The following SLC22A23 variants were observed in gnomAD, a reference collection of about 807,000 sequenced individuals.
The protein encoded by SLC22A23 is solute carrier family 22 member 23, also known as ion transporter protein.
In SLC22A23, 26 loss-of-function variants were observed where a neutral mutation model predicts 61.0. The observed-to-expected ratio is 0.43, with a 90% CI of 0.31 to 0.59. The LOEUF is 0.59. SLC22A23 is among the 20% of genes least tolerant of loss of function. The pLI, the probability that SLC22A23 is intolerant of heterozygous loss-of-function variation, is 0.11. For missense variants in SLC22A23, 796 were observed against 934.7 expected, an observed-to-expected ratio of 0.85 and a Z score of 1.94; for synonymous variants, 430 against 413.9, an observed-to-expected ratio of 1.04 and a Z score of -0.47.
At chr6:3,412,378 C>T (rs376475353) in intron 2 of SLC22A23, among the ~76,000 whole-genome samples, 4 of 152,162 alleles carry the variant, frequency 2.6e-5, no homozygotes, top group Admixed American at 6.5e-5. Flanking sequence ...CTTGTTCAAA[C>T]GAGCCTGGAG....
chr6:3,313,351 C>T (rs1410759009), intron 4 of SLC22A23: 4 of 152,142 alleles, frequency 2.6e-5, no homozygotes, highest in African/African-American at 9.7e-5. Context: ...AAAGATTTGA[C>T]CAAGAAATTT....
intron 3 of SLC22A23, among the ~76,000 whole-genome samples, chr6:3,377,438 C>G (rs1312328527): frequency 2.6e-5 from 4 of 152,196 alleles, no homozygotes; most frequent in African/African-American, 7.2e-5. Context: ...ACTGCCAGAC[C>G]TCTGCCAGGC....
At chr6:3,436,984 C>T (rs77994392) in intron 1 of SLC22A23, among the ~76,000 whole-genome samples, 3,433 of 152,284 alleles carry the variant, frequency 0.023, 128 homozygotes, top group African/African-American at 0.077. Context: ...TAAGATGATC[C>T]ATACATCCTC....
At chr6:3,296,555 TGTGA>T (rs1373090816) in intron 5 of SLC22A23, among the ~76,000 whole-genome samples, 1 of 152,154 alleles carries the variant, frequency 6.6e-6, no homozygotes, top group Admixed American at 6.5e-5. Flanking sequence ...GGAGCTGAAA[TGTGA>T]GTGCCATGTG....
At chr6:3,316,871 C>T (rs1172536718) in intron 4 of SLC22A23, among the ~76,000 whole-genome samples, 2 of 152,142 alleles carry the variant, frequency 1.3e-5, no homozygotes, top group African/African-American at 4.8e-5. Context: ...CTGCTGTGCT[C>T]ACGTGATCTT....
At chr6:3,289,436 C>T (rs1432488807) in intron 6 of SLC22A23, among the ~76,000 whole-genome samples, 3 of 152,262 alleles carry the variant, frequency 2.0e-5, no homozygotes, top group African/African-American at 7.2e-5. Context: ...TGTCCTGAGA[C>T]AGGGCCCAGA....
intron 3 of SLC22A23, among the ~76,000 whole-genome samples, chr6:3,368,655 T>C (rs1215207000): frequency 2.0e-5 from 3 of 152,088 alleles, no homozygotes; most frequent in Non-Finnish European, 2.9e-5. Flanking sequence ...AATCCTCCAA[T>C]GCAATAAGTT....
chr6:3,397,643 A>T (rs1431243196), intron 3 of SLC22A23, among the ~76,000 whole-genome samples: 1 of 152,238 alleles, frequency 6.6e-6, no homozygotes, highest in East Asian at 1.9e-4. Flanking sequence ...CTGAATAAAT[A>T]GCTTATTATC....
At chr6:3,366,338 A>C (rs1279639122) in intron 3 of SLC22A23, among the ~76,000 whole-genome samples, 1 of 110,974 alleles carries the variant, frequency 9.0e-6, no homozygotes, top group African/African-American at 3.0e-5. Flanking sequence ...GTCTCAAAAA[A>C]AAAAAAAAAA....
At chr6:3,298,978 C>CAAAAAAAAAAA (rs56373817) in intron 4 of SLC22A23, among the ~76,000 whole-genome samples, 5 of 104,124 alleles carry the variant, frequency 4.8e-5, no homozygotes, top group African/African-American at 2.2e-4. Context: ...GACTCCGTCT[C>CAAAAAAAAAAA]AAAAAAAAAA....
chr6:3,380,646 A>T (rs528116194), intron 3 of SLC22A23, among the ~76,000 whole-genome samples: 2,011 of 112,012 alleles, frequency 0.018, 47 homozygotes, highest in African/African-American at 0.072. Flanking sequence ...TTAAGTTATT[A>T]AAAAAAAAAA....
At position 3,328,197 on chromosome 6, in the gene SLC22A23, G is replaced by T. The variant is rs1233874861; in HGVS notation, c.914-4195C>A. 1.3e-5 allele frequency among the ~76,000 whole-genome samples: 2 copies of T among 151,488 alleles called. No individual in the cohort carries two copies. The highest frequency in any genetic ancestry group is 4.9e-5 in the African/African-American group (2 of 41,136). ...TGTCGATAAGCAGAGAGATTACTGAGGGTTGTGAGAATGAAACAGTACGTA... is the reference window on the plus strand; with the variant it reads ...TGTCGATAAGCAGAGAGATTACTGATGGTTGTGAGAATGAAACAGTACGTA... On this transcript the variant is annotated intron_variant, in intron 3 of 9. Coordinates refer to ENST00000406686, the MANE Select transcript of SLC22A23 (RefSeq NM_015482.2). The surrounding 1 kb of genome is among the most constrained non-coding windows in gnomAD (Gnocchi z 5.0).
intron 3 of SLC22A23, among the ~76,000 whole-genome samples, chr6:3,325,781 C>T (rs530200972): frequency 5.8e-4 from 89 of 152,306 alleles, no homozygotes; most frequent in Admixed American, 1.8e-3. Context: ...ATATTAGCCA[C>T]GGTAAATTCA....
Position 3,319,283 on chromosome 6 carries a change from C to T in SLC22A23, c.1082+4551G>A, listed in dbSNP as rs771192681. On this transcript the variant is annotated intron_variant, in intron 4 of 9. Transcript: ENST00000406686. ...TTCCTCTCCCGGTTCCAGGAGAAGC[C>T]GAGCAGAAGCCAACTTTTGCCTTGG... is the stretch of plus-strand genomic sequence containing the variant. Among the ~76,000 whole-genome samples, 15 of 152,296 alleles carry T rather than the reference C, an allele frequency of 9.8e-5. No individual in the cohort carries two copies. The East Asian group carries it at 1.9e-3, about 20-fold the overall frequency.
chr6:3,376,205 A>C (rs1338478725), intron 3 of SLC22A23, among the ~76,000 whole-genome samples: 3 of 152,226 alleles, frequency 2.0e-5, no homozygotes, highest in Non-Finnish European at 4.4e-5. Context: ...ATTAGCGGGA[A>C]ACCAGACTGA....
chr6:3,273,514 C>CAGAGG, intron 9 of SLC22A23, 102 bp from the exon 10 acceptor site: 2 of 1,291,344 alleles, frequency 1.5e-6, no homozygotes, highest in Non-Finnish European at 2.2e-6. Flanking sequence ...AGGGGCCCTG[C>CAGAGG]TGCCCTGGGC....
chr6:3,328,763 C>T lies in SLC22A23; in HGVS notation c.914-4761G>A, dbSNP rs9503538. ...CTCACAGTCGTGTGGGCCAATTCCT[C>T]GCAGAAAATCTCTAAATATCTCCTG... On this transcript the variant is annotated intron_variant, in intron 3 of 9. Transcript: ENST00000406686. This position sits in a 1 kb window ranked among gnomAD's most constrained non-coding sequence, Gnocchi z 5.0. Among the ~76,000 whole-genome samples the T allele has an allele frequency of 0.11, 17,087 of 152,120 alleles. 1,103 individuals carry two copies. Among genetic ancestry groups the T allele is most frequent in the South Asian group, 0.25 (1,212 of 4,816 alleles).
At chr6:3,369,440 C>T (rs908352861) in intron 3 of SLC22A23, among the ~76,000 whole-genome samples, 24 of 152,150 alleles carry the variant, frequency 1.6e-4, no homozygotes, top group African/African-American at 5.8e-4. Context: ...CCTGTAATCC[C>T]AGCACTTCGG....
At chr6:3,287,223 A>G in intron 6 of SLC22A23, 132 bp from the exon 7 acceptor site, 1 of 771,942 alleles carries the variant, frequency 1.3e-6, no homozygotes, top group East Asian at 2.7e-5. Flanking sequence ...AAAGCCCATC[A>G]TGACCGAACC....
Sources: allele counts gnomAD v4.1 joint callset (sites outside exome capture counted in the v4.1 genomes callset), GRCh38; gene constraint gnomAD v4.1.1; non-coding constraint Gnocchi (gnomAD v3.1); transcripts MANE v1.5; gene names NCBI Gene and HGNC (gene_info 2026-07-23, HGNC 2026-07-21).